RBFOX1: variants seen among roughly 807,000 people sequenced by gnomAD.
RBFOX1 encodes RNA binding protein fox-1 homolog 1.
Under a neutral mutation model 57.7 loss-of-function variants are expected in RBFOX1, and 8 were observed. That is an observed-to-expected ratio of 0.14 (90% CI 0.08 to 0.25). The LOEUF is 0.25. Among genes scored for constraint, RBFOX1 ranks in the 10% least tolerant of loss-of-function variants. The probability of loss-of-function intolerance (pLI) is 1.00; values close to 1 mark genes in which losing one functional copy is unlikely to be tolerated. For missense variants in RBFOX1, 611 were observed against 548.5 expected (o/e 1.11, Z -1.14); for synonymous variants, 326 against 222.4 (o/e 1.47, Z -4.15).
chr16:7,687,052 G>A (rs1027067879), intron 14 of RBFOX1, among the ~76,000 whole-genome samples: 2 of 152,038 alleles, frequency 1.3e-5, no homozygotes, highest in African/African-American at 2.4e-5. Flanking sequence ...GTTTTTAAGT[G>A]TATTTTCATG....
At chr16:5,759,770 C>G (rs762775592) in intron 3 of RBFOX1, among the ~76,000 whole-genome samples, 1 of 149,264 alleles carries the variant, frequency 6.7e-6, no homozygotes, top group Non-Finnish European at 1.5e-5. Flanking sequence ...CTCCCTGATC[C>G]TGTAACAGTA....
At chr16:5,962,043 C>G (rs1429627949) in intron 4 of RBFOX1, among the ~76,000 whole-genome samples, 3 of 152,202 alleles carry the variant, frequency 2.0e-5, no homozygotes, top group Admixed American at 6.5e-5. Flanking sequence ...GGCTCCTGTT[C>G]TCGTGGTACA....
chr16:7,296,758 G>A (rs139726380), intron 4 of RBFOX1, among the ~76,000 whole-genome samples: 105 of 152,188 alleles, frequency 6.9e-4, no homozygotes, highest in African/African-American at 1.7e-3. Flanking sequence ...CCTTTCTTTC[G>A]GGTGCAGACT....
chr16:5,937,175 T>A (rs777731138), intron 4 of RBFOX1, among the ~76,000 whole-genome samples: 18 of 152,226 alleles, frequency 1.2e-4, no homozygotes, highest in Non-Finnish European at 2.4e-4. Context: ...CTTGGAATTG[T>A]GTTCTCTGGT....
rs58680911 is a variant in RBFOX1, at chr16:6,304,876, C to CAAAAAAAAAAA, written c.-126-12109_-126-12099dup. ...TGGGTGACACAGTGAGACCCTGTCTCAAAAAAAAAAAAAAAAAAAAGGAAT... is the reference window on the plus strand; with the variant it reads ...TGGGTGACACAGTGAGACCCTGTCTCAAAAAAAAAAAAAAAAAAAAAAAAAAAAAAAGGAAT... On this transcript the variant is annotated intron_variant, in intron 1 of 15. Coordinates refer to ENST00000550418, the MANE Select transcript of RBFOX1 (RefSeq NM_018723.4). Among the ~76,000 whole-genome samples, 140 of 79,586 alleles carry CAAAAAAAAAAA rather than the reference C, an allele frequency of 1.8e-3. 1 individual carries two copies. Among genetic ancestry groups the CAAAAAAAAAAA allele is most frequent in the East Asian group, 5.4e-3 (15 of 2,754 alleles). 52.2% of individuals were successfully genotyped at this position (79,586 alleles called of 152,430 possible).
At chr16:5,383,353 G>C (rs1168445051) in intron 1 of RBFOX1, among the ~76,000 whole-genome samples, 1 of 152,216 alleles carries the variant, frequency 6.6e-6, no homozygotes, top group East Asian at 1.9e-4. Context: ...TCAGACCTGA[G>C]TTGGCACCAC....
At chr16:5,314,781 A>T (rs747164310) in intron 1 of RBFOX1, among the ~76,000 whole-genome samples, 6 of 151,584 alleles carry the variant, frequency 4.0e-5, no homozygotes, top group Non-Finnish European at 7.4e-5. Flanking sequence ...GATTTGAGGC[A>T]TGAGTCACCA....
intron 1 of RBFOX1, among the ~76,000 whole-genome samples, chr16:6,240,839 T>C (rs776907987): frequency 3.8e-4 from 58 of 152,184 alleles, no homozygotes; most frequent in Non-Finnish European, 6.8e-4. Context: ...GTCAGAAATA[T>C]GCACACGTTA....
At chr16:6,981,795 A>G (rs907305417) in intron 3 of RBFOX1, among the ~76,000 whole-genome samples, 33 of 152,180 alleles carry the variant, frequency 2.2e-4, no homozygotes, top group Non-Finnish European at 4.0e-4. Flanking sequence ...GGGAATTGTC[A>G]GAGCTACCAG....
intron 1 of RBFOX1, among the ~76,000 whole-genome samples, chr16:5,345,194 C>T (rs978906615): frequency 2.6e-5 from 4 of 152,174 alleles, no homozygotes; most frequent in Non-Finnish European, 5.9e-5. Flanking sequence ...TGGGTGGAAG[C>T]CAGTCCCTTT....
intron 3 of RBFOX1, among the ~76,000 whole-genome samples, chr16:5,764,174 G>T (rs1427696250): frequency 6.6e-6 from 1 of 152,104 alleles, no homozygotes; most frequent in African/African-American, 2.4e-5. Context: ...ATTGCATTTG[G>T]GCTACTACAA....
chr16:6,940,662 A>G (rs1205628786), intron 3 of RBFOX1, among the ~76,000 whole-genome samples: 1 of 151,916 alleles, frequency 6.6e-6, no homozygotes, highest in Non-Finnish European at 1.5e-5. Flanking sequence ...GAGCGACGCG[A>G]TCTCAGCTCA....
At position 6,744,090 on chromosome 16, in the gene RBFOX1, A is replaced by G. The variant is rs575759105; in HGVS notation, c.-16+89440A>G. ...TAATCTAAAGAATACTGAAGTAACTATACTGATATCACACAAATAGATTCT... is the reference window on the plus strand; with the variant it reads ...TAATCTAAAGAATACTGAAGTAACTGTACTGATATCACACAAATAGATTCT... On this transcript the variant is annotated intron_variant, in intron 3 of 15. Transcript: ENST00000550418. Among the ~76,000 whole-genome samples the G allele has an allele frequency of 9.2e-5, 14 of 152,272 alleles. No individual in the cohort carries two copies. In the East Asian group the frequency reaches 2.5e-3, roughly 27 times the overall value.
intron 5 of RBFOX1, among the ~76,000 whole-genome samples, chr16:7,553,614 T>G (rs551476876): frequency 1.3e-5 from 2 of 152,312 alleles, no homozygotes; most frequent in African/African-American, 4.8e-5. Flanking sequence ...GATCTGCAAG[T>G]GGCCAGTGCA....
intron 2 of RBFOX1, among the ~76,000 whole-genome samples, chr16:5,580,206 A>G (rs1434528742): frequency 1.3e-5 from 2 of 152,062 alleles, no homozygotes; most frequent in African/African-American, 4.8e-5. Context: ...GACCCCAACA[A>G]TGGATGCATG....
chr16:6,462,392 A>G (rs2094940647), intron 2 of RBFOX1, among the ~76,000 whole-genome samples: 1 of 152,142 alleles, frequency 6.6e-6, no homozygotes, highest in Admixed American at 6.6e-5. Flanking sequence ...TTTGCAAGGC[A>G]TGGTTATTGT....
In RBFOX1 at chr16:5,897,150, C is replaced by G. The variant is rs369881467; in HGVS notation, c.351+29815C>G. 3.4e-3 allele frequency among the ~76,000 whole-genome samples: 515 copies of G among 151,908 alleles called. 3 individuals carry two copies. Among genetic ancestry groups the G allele is most frequent in the African/African-American group, 0.012 (499 of 41,442 alleles). On this transcript the variant is annotated intron_variant, in intron 4 of 19. Transcript: ENST00000641259. Reference sequence around the variant, plus strand: ...TCCCGGGTTCAAGCGATTCTCCCGCCTCAGCCTCCCCAGTAGCTGGGACTA... The same window carrying G: ...TCCCGGGTTCAAGCGATTCTCCCGCGTCAGCCTCCCCAGTAGCTGGGACTA...
At chr16:5,362,791 T>C (rs1246027575) in intron 1 of RBFOX1, among the ~76,000 whole-genome samples, 5 of 152,212 alleles carry the variant, frequency 3.3e-5, no homozygotes, top group Non-Finnish European at 5.9e-5. Flanking sequence ...TGGAATCATA[T>C]AGCATTTGTC....
At chr16:5,576,027 C>T (rs1055810931) in intron 2 of RBFOX1, among the ~76,000 whole-genome samples, 1 of 151,962 alleles carries the variant, frequency 6.6e-6, no homozygotes, top group African/African-American at 2.4e-5. Flanking sequence ...CACTCTGTCA[C>T]CCAGGCTGGA....
Sources: allele counts gnomAD v4.1 joint callset (sites outside exome capture counted in the v4.1 genomes callset), GRCh38; gene constraint gnomAD v4.1.1; transcripts MANE v1.5; gene names NCBI Gene and HGNC (gene_info 2026-07-23, HGNC 2026-07-21).